SPMIP4: variants seen among roughly 807,000 people sequenced by gnomAD.
SPMIP4 encodes sperm-associated microtubule inner protein 4.
the SPMIP4 span, among the ~76,000 whole-genome samples, chr7:25,178,626 G>C: frequency 3.3e-5 from 5 of 152,220 alleles, no homozygotes; most frequent in African/African-American, 9.6e-5. Context: ...ATTTTAGAAT[G>C]TAGTGGATGA....
the SPMIP4 span, among the ~76,000 whole-genome samples, chr7:25,177,226 A>G: frequency 6.6e-6 from 1 of 152,046 alleles, no homozygotes; most frequent in Non-Finnish European, 1.5e-5. Flanking sequence ...TTTCCTAGAG[A>G]ATTCTTAAAT....
At chr7:25,135,538 T>A in the SPMIP4 span, 2 of 978,740 alleles carry the variant, frequency 2.0e-6, no homozygotes, top group Non-Finnish European at 2.4e-6. Context: ...AAAATTTACA[T>A]AAAGGGACAG....
At chr7:25,158,669 G>A in the SPMIP4 span, 2 of 651,416 alleles carry the variant, frequency 3.1e-6, no homozygotes, top group Non-Finnish European at 5.4e-6. Flanking sequence ...GGAGGCCAAG[G>A]TGGGCGGATC....
At chr7:25,166,418 TCTACTAAAAATACAAAAGA>T in the SPMIP4 span, among the ~76,000 whole-genome samples, 1 of 151,860 alleles carries the variant, frequency 6.6e-6, no homozygotes, top group Non-Finnish European at 1.5e-5. Context: ...AAACCCCGTC[TCTACTAAAAATACAAAAGA>T]TTAGCTGGGC....
chr7:25,155,901 G>T, the SPMIP4 span, among the ~76,000 whole-genome samples: 1 of 152,136 alleles, frequency 6.6e-6, no homozygotes, highest in Non-Finnish European at 1.5e-5. Context: ...ATAGAGAAAT[G>T]TTATTCATAA....
the SPMIP4 span, chr7:25,135,905 A>G: frequency 2.0e-6 from 3 of 1,513,096 alleles, no homozygotes; most frequent in Admixed American, 2.3e-5. Context: ...CAGCAATACG[A>G]AGGAAATTCT....
At chr7:25,136,053 G>C in the SPMIP4 span, 1 of 1,613,926 alleles carries the variant, frequency 6.2e-7, no homozygotes, top group Non-Finnish European at 8.5e-7. This position sits in a 1 kb window ranked among gnomAD's most constrained non-coding sequence, Gnocchi z 5.7. Context: ...GGTCTTTATG[G>C]TCTTCTAGAA....
the SPMIP4 span, among the ~76,000 whole-genome samples, chr7:25,156,053 C>T: frequency 2.6e-5 from 4 of 152,330 alleles, no homozygotes; most frequent in East Asian, 7.7e-4. Context: ...TACAGATATA[C>T]TTAGTTAAGA....
the SPMIP4 span, among the ~76,000 whole-genome samples, chr7:25,175,422 C>T: frequency 1.3e-5 from 2 of 151,912 alleles, no homozygotes; most frequent in Admixed American, 1.3e-4. Context: ...CCACACCTGG[C>T]TAATTTTTGT....
chr7:25,136,367 G>C, the SPMIP4 span: 1 of 1,613,902 alleles, frequency 6.2e-7, no homozygotes, highest in Non-Finnish European at 8.5e-7. This position sits in a 1 kb window ranked among gnomAD's most constrained non-coding sequence, Gnocchi z 5.7. Context: ...TGAATCCAGT[G>C]GTCTGGTTTA....
At chr7:25,170,350 A>G in the SPMIP4 span, among the ~76,000 whole-genome samples, 3 of 152,228 alleles carry the variant, frequency 2.0e-5, no homozygotes, top group African/African-American at 4.8e-5. Flanking sequence ...TATTGGAGAA[A>G]TATCTATTCA....
At chr7:25,136,190 T>C in the SPMIP4 span, 1 of 1,614,228 alleles carries the variant, frequency 6.2e-7, no homozygotes, top group Admixed American at 1.7e-5. This position sits in a 1 kb window ranked among gnomAD's most constrained non-coding sequence, Gnocchi z 5.7. Flanking sequence ...GTTTCTTCAT[T>C]GTTTTCCATA....
At chr7:25,179,134 A>C in the SPMIP4 span, 5 of 1,568,830 alleles carry the variant, frequency 3.2e-6, no homozygotes, top group Non-Finnish European at 2.6e-6. Context: ...AATACATTAA[A>C]ACTGCTTTTT....
chr7:25,134,622 A>C, the SPMIP4 span: 2 of 950,180 alleles, frequency 2.1e-6, no homozygotes, highest in Non-Finnish European at 2.5e-6. Context: ...ATTTCCATGC[A>C]ACCCAGGGAA....
the SPMIP4 span, among the ~76,000 whole-genome samples, chr7:25,140,209 C>T: frequency 1.3e-5 from 2 of 152,170 alleles, no homozygotes; most frequent in Non-Finnish European, 2.9e-5. Context: ...TAAAACACAG[C>T]CTATAAACCT....
chr7:25,155,102 G>T, the SPMIP4 span: 1 of 1,613,868 alleles, frequency 6.2e-7, no homozygotes, highest in South Asian at 1.1e-5. Flanking sequence ...CCGTGTAGAG[G>T]TCCTCAGGTG....
At chr7:25,143,324 T>A in the SPMIP4 span, among the ~76,000 whole-genome samples, 4 of 152,252 alleles carry the variant, frequency 2.6e-5, no homozygotes. Context: ...GAGCTATGCA[T>A]GTAAACATGA....
chr7:25,139,955 C>T, the SPMIP4 span, among the ~76,000 whole-genome samples: 1 of 152,080 alleles, frequency 6.6e-6, no homozygotes, highest in African/African-American at 2.4e-5. Context: ...TATTTTATCT[C>T]GTTATTCATA....
At chr7:25,136,320 A>T in the SPMIP4 span, 3 of 1,614,076 alleles carry the variant, frequency 1.9e-6, no homozygotes, top group Admixed American at 3.3e-5. This position sits in a 1 kb window ranked among gnomAD's most constrained non-coding sequence, Gnocchi z 5.7. Context: ...GACACATATT[A>T]TACTGATCAC....
Sources: allele counts gnomAD v4.1 joint callset (sites outside exome capture counted in the v4.1 genomes callset), GRCh38; gene constraint gnomAD v4.1.1; non-coding constraint Gnocchi (gnomAD v3.1); transcripts MANE v1.5; gene names NCBI Gene and HGNC (gene_info 2026-07-23, HGNC 2026-07-21).